NSRP1: variants seen among roughly 807,000 people sequenced by gnomAD.
The protein encoded by NSRP1 is nuclear speckle splicing regulatory protein 1.
Under a neutral mutation model 54.7 loss-of-function variants are expected in NSRP1, and 24 were observed. The ratio of observed to expected loss-of-function variants is 0.44; its 90% CI spans 0.32 to 0.62. The LOEUF is 0.62. NSRP1 is among the 20% of genes least tolerant of loss of function. The probability of loss-of-function intolerance (pLI) is 0.06; values close to 1 mark genes in which losing one functional copy is unlikely to be tolerated. For missense variants in NSRP1, 596 were observed against 651.2 expected (o/e 0.92, Z 0.92); for synonymous variants, 210 against 213.8 (o/e 0.98, Z 0.15).
At chr17:30,170,763 A>AGGT (rs1171914412) in intron 2 of NSRP1, among the ~76,000 whole-genome samples, 1 of 152,176 alleles carries the variant, frequency 6.6e-6, no homozygotes, top group Non-Finnish European at 1.5e-5. Context: ...TACCTTTACC[A>AGGT]GGTGGTGATT....
chr17:30,173,282 G>A (rs1030157541), intron 3 of NSRP1, among the ~76,000 whole-genome samples: 4 of 152,088 alleles, frequency 2.6e-5, no homozygotes, highest in Admixed American at 6.6e-5. Flanking sequence ...TTTAAAAGAC[G>A]TGCTTGTTTC....
At chr17:30,143,664 A>C (rs929937798) in intron 2 of NSRP1, among the ~76,000 whole-genome samples, 1 of 152,236 alleles carries the variant, frequency 6.6e-6, no homozygotes, top group African/African-American at 2.4e-5. Flanking sequence ...AACTGAAACA[A>C]ACTTACGGAG....
intron 2 of NSRP1, among the ~76,000 whole-genome samples, chr17:30,148,181 C>T (rs184619551): frequency 4.6e-5 from 7 of 152,306 alleles, no homozygotes; most frequent in Non-Finnish European, 5.9e-5. Context: ...CTAGTTAAGT[C>T]ATTTTTCTCC....
intron 2 of NSRP1, chr17:30,168,766 A>T (rs1344602614): frequency 6.6e-6 from 1 of 151,900 alleles, no homozygotes; most frequent in Non-Finnish European, 1.5e-5. Flanking sequence ...AGAAAAAAGT[A>T]AAAGTTTTAC....
At chr17:30,165,139 C>A (rs1904683891) in intron 2 of NSRP1, among the ~76,000 whole-genome samples, 1 of 152,112 alleles carries the variant, frequency 6.6e-6, no homozygotes, top group Non-Finnish European at 1.5e-5. Flanking sequence ...ATTCATCAAA[C>A]ACAGAGATAA....
intron 2 of NSRP1, among the ~76,000 whole-genome samples, chr17:30,152,350 C>T (rs1417574591): frequency 2.0e-5 from 3 of 151,538 alleles, no homozygotes; most frequent in African/African-American, 7.3e-5. Context: ...GAACTCCTGA[C>T]CTCATGATCT....
At chr17:30,142,998 A>T (rs1361339328) in intron 2 of NSRP1, among the ~76,000 whole-genome samples, 1 of 152,210 alleles carries the variant, frequency 6.6e-6, no homozygotes, top group African/African-American at 2.4e-5. Context: ...ACAATTTCTA[A>T]TTGGAAGATA....
chr17:30,174,315 A>AT (rs1307778204), intron 3 of NSRP1, among the ~76,000 whole-genome samples: 1 of 151,960 alleles, frequency 6.6e-6, no homozygotes. Flanking sequence ...CTTTCTGCTG[A>AT]TTTTTTCTCG....
chr17:30,134,748 T>C (rs1284309941), intron 2 of NSRP1, among the ~76,000 whole-genome samples: 1 of 152,202 alleles, frequency 6.6e-6, no homozygotes, highest in African/African-American at 2.4e-5. Flanking sequence ...CATAATGGAA[T>C]TTCCAGAGTT....
rs189981037 is a variant in NSRP1 at position 30,131,977 on chromosome 17, G to C, written c.114+13804G>C. 4.3e-3 allele frequency among the ~76,000 whole-genome samples: 650 copies of C among 152,244 alleles called. 1 individual carries two copies. Among genetic ancestry groups the C allele is most frequent in the Admixed American group, 7.3e-3 (112 of 15,272 alleles). The stretch of plus-strand genomic sequence containing the variant: ...AAGAAACCAGTGCAAGGCCAGGCGC[G>C]GTGGCTCACGCTTGTAATCCCAGCA... On this transcript the variant is annotated intron_variant, in intron 2 of 6. Transcript: ENST00000247026.
intron 2 of NSRP1, among the ~76,000 whole-genome samples, chr17:30,135,749 C>T (rs113881354): frequency 0.027 from 4,048 of 149,914 alleles, 180 homozygotes; most frequent in African/African-American, 0.093. Flanking sequence ...GGATTACAGG[C>T]GTGAGCCACC....
Position 30,179,330 on chromosome 17 carries a change from A to T in NSRP1, c.508+33A>T, listed in dbSNP as rs982907853. 2.2e-5 allele frequency: 33 copies of T among 1,533,574 alleles called. No individual in the cohort carries two copies. The Middle Eastern group carries it at 1.7e-3, about 81-fold the overall frequency. 95.0% of individuals were successfully genotyped at this position (1,533,574 alleles called of 1,614,324 possible). A position where few individuals can be genotyped will look rare whatever the true frequency, so the allele number is the denominator to read the frequency against. On this transcript the variant is annotated intron_variant, in intron 5 of 6. Transcript: ENST00000247026. ...GAAAGAGTGGGAAAGGCACAAGGAA[A>T]CAGTAGCAGAATCTCTCCCCTGTGG...
rs558445432 is a variant in NSRP1, at chr17:30,133,109, ATTTTTTT to A, written c.114+14952_114+14958del. Among the ~76,000 whole-genome samples, 153 of 110,926 alleles carry A rather than the reference ATTTTTTT, an allele frequency of 1.4e-3. 2 individuals are homozygous for A. The highest frequency in any genetic ancestry group is 4.8e-3 in the Middle Eastern group (1 of 210). 72.8% of individuals were successfully genotyped at this position (110,926 alleles called of 152,430 possible). A position where few individuals can be genotyped will look rare whatever the true frequency, so the allele number is the denominator to read the frequency against. On this transcript the variant is annotated intron_variant, in intron 2 of 6. Transcript: ENST00000247026. ...CAGGCACTCACCACCACACCCAGCT[ATTTTTTT>A]TTTTTTTTTTTTTTTGGTAGAGACA... is the stretch of plus-strand genomic sequence containing the variant.
At chr17:30,168,250 A>G (rs1260713047) in intron 2 of NSRP1, 2 of 152,160 alleles carry the variant, frequency 1.3e-5, no homozygotes, top group African/African-American at 2.4e-5. Flanking sequence ...GGTGACTTCT[A>G]TATGTCATTT....
intron 2 of NSRP1, among the ~76,000 whole-genome samples, chr17:30,158,162 T>C (rs1167154237): frequency 6.6e-6 from 1 of 152,168 alleles, no homozygotes; most frequent in Non-Finnish European, 1.5e-5. Context: ...ATAATAGAGG[T>C]TCCAGCTGGG....
At chr17:30,176,092 TTTG>T (rs917622998) in intron 3 of NSRP1, among the ~76,000 whole-genome samples, 8 of 136,832 alleles carry the variant, frequency 5.8e-5, no homozygotes, top group African/African-American at 2.3e-4. Context: ...ACTGTTTTTT[TTTG>T]TTGTTGTTGT....
At chr17:30,127,845 A>AT in intron 2 of NSRP1, 2 of 395,404 alleles carry the variant, frequency 5.1e-6, no homozygotes, top group East Asian at 7.2e-5. Flanking sequence ...ATTTTTTTTC[A>AT]TTTTTTGAGA....
chr17:30,177,248 G>A lies in NSRP1; in HGVS notation c.172-823G>A, dbSNP rs1339434575. The stretch of plus-strand genomic sequence containing the variant: ...TAGCCAGGCATGGTGGCACACGCCT[G>A]TAGTCCCAGCTACTTGGGTGGCTGA... On this transcript the variant is annotated intron_variant, in intron 3 of 6. Coordinates refer to ENST00000247026, the MANE Select transcript of NSRP1 (RefSeq NM_032141.4). 4.6e-5 allele frequency among the ~76,000 whole-genome samples: 7 copies of A among 152,078 alleles called. No homozygotes were observed. In the East Asian group the frequency reaches 5.8e-4, roughly 13 times the overall value.
At chr17:30,183,852 A>G (rs1597624675) in intron 6 of NSRP1, among the ~76,000 whole-genome samples, 1 of 152,192 alleles carries the variant, frequency 6.6e-6, no homozygotes, top group East Asian at 1.9e-4. Context: ...ATTTGCCACT[A>G]TTTTGCTGTG....
Sources: allele counts gnomAD v4.1 joint callset (sites outside exome capture counted in the v4.1 genomes callset), GRCh38; gene constraint gnomAD v4.1.1; transcripts MANE v1.5; gene names NCBI Gene and HGNC (gene_info 2026-07-23, HGNC 2026-07-21).